TUSC3: variants seen among roughly 807,000 people sequenced by gnomAD.
TUSC3 encodes the protein tumor suppressor candidate 3.
A neutral mutation model predicts 44.8 loss-of-function variants in TUSC3; 45 were observed. That is an observed-to-expected ratio of 1.00 (90% CI 0.79 to 1.29). TUSC3 has a LOEUF of 1.29. Among genes scored for constraint, TUSC3 ranks in the 50% most tolerant of loss-of-function variants. The probability of loss-of-function intolerance (pLI) is 0.00; values close to 1 mark genes in which losing one functional copy is unlikely to be tolerated. For missense variants in TUSC3, 519 were observed against 437.9 expected (o/e 1.19, Z -1.65); for synonymous variants, 212 against 152.9 (o/e 1.39, Z -2.85).
intron 1 of TUSC3, among the ~76,000 whole-genome samples, chr8:15,588,379 G>A (rs1355637454): frequency 2.0e-5 from 3 of 151,950 alleles, no homozygotes; most frequent in Admixed American, 1.3e-4. Context: ...TGTCTATTCA[G>A]ATCTTTTGCT....
chr8:15,751,090 G>A (rs1167198050), intron 9 of TUSC3, among the ~76,000 whole-genome samples: 2 of 152,082 alleles, frequency 1.3e-5, no homozygotes, highest in Non-Finnish European at 2.9e-5. Context: ...ATCATCTCCT[G>A]TGCTATTGTG....
chr8:15,633,435 G>A (rs972540927), intron 2 of TUSC3, among the ~76,000 whole-genome samples: 3 of 152,142 alleles, frequency 2.0e-5, no homozygotes, highest in African/African-American at 7.2e-5. Context: ...TTCCAAAAAG[G>A]TATTCTGCAT....
intron 5 of TUSC3, among the ~76,000 whole-genome samples, chr8:15,670,226 G>A: frequency 6.6e-6 from 1 of 151,818 alleles, no homozygotes; most frequent in East Asian, 1.9e-4. Context: ...AATTGACAAT[G>A]AGATTTTAGC....
intron 1 of TUSC3, among the ~76,000 whole-genome samples, chr8:15,616,542 C>T (rs1447027807): frequency 6.6e-6 from 1 of 152,240 alleles, no homozygotes; most frequent in East Asian, 1.9e-4. Context: ...GCACCACTGC[C>T]CTCCAGCCTG....
At chr8:15,479,541 A>G (rs1195546780) in intron 1 of TUSC3, among the ~76,000 whole-genome samples, 1 of 152,084 alleles carries the variant, frequency 6.6e-6, no homozygotes, top group Admixed American at 6.5e-5. Context: ...TAGTTAAGGA[A>G]TCCTTTTCCC....
At chr8:15,616,122 T>C (rs1467785139) in intron 1 of TUSC3, among the ~76,000 whole-genome samples, 2 of 152,184 alleles carry the variant, frequency 1.3e-5, no homozygotes, top group African/African-American at 4.8e-5. Flanking sequence ...TTTAGTGTGG[T>C]ATAGGAATAG....
intron 1 of TUSC3, among the ~76,000 whole-genome samples, chr8:15,618,475 C>G (rs1406973919): frequency 6.6e-6 from 1 of 152,054 alleles, no homozygotes; most frequent in Admixed American, 6.6e-5. Context: ...TAGCCTAGGC[C>G]TGCACATGGT....
At chr8:15,480,865 T>G (rs76736366) in intron 1 of TUSC3, among the ~76,000 whole-genome samples, 7,449 of 152,294 alleles carry the variant, frequency 0.049, 244 homozygotes, top group South Asian at 0.11. Context: ...ATACGAATTT[T>G]GAGGTGATAC....
the TUSC3 span, among the ~76,000 whole-genome samples, chr8:15,834,200 C>A: frequency 6.7e-6 from 1 of 150,216 alleles, no homozygotes; most frequent in South Asian, 2.1e-4. Context: ...CATAAGTTTT[C>A]ATTTTTTCAA....
intron 1 of TUSC3, among the ~76,000 whole-genome samples, chr8:15,440,348 G>C (rs140094492): frequency 1.3e-5 from 2 of 152,284 alleles, no homozygotes; most frequent in East Asian, 3.9e-4. Context: ...AGGAGAGGTG[G>C]GAGGTGGGCC....
In TUSC3 at chr8:15,625,232, G is replaced by C. The variant is rs117741556; in HGVS notation, c.308+1983G>C. Among the ~76,000 whole-genome samples, 146 of 152,030 alleles carry C rather than the reference G, an allele frequency of 9.6e-4. 2 individuals are homozygous for C. Among genetic ancestry groups the C allele is most frequent in the Admixed American group, 2.0e-3 (30 of 15,274 alleles). ...CATATTATTTTATTATGTGTTGCTG[G>C]ATTCAGTTTGCTAATTTTTTTTTGA... On this transcript the variant is annotated intron_variant, in intron 2 of 10. Coordinates refer to ENST00000503731, the MANE Select transcript of TUSC3 (RefSeq NM_006765.4).
chr8:15,585,521 A>G (rs765705765), intron 1 of TUSC3, among the ~76,000 whole-genome samples: 9 of 152,146 alleles, frequency 5.9e-5, no homozygotes, highest in Non-Finnish European at 8.8e-5. Context: ...GTTGAATGCA[A>G]AGGCTTTTAT....
At chr8:15,590,289 C>T (rs1004914910) in intron 1 of TUSC3, among the ~76,000 whole-genome samples, 1 of 152,116 alleles carries the variant, frequency 6.6e-6, no homozygotes, top group African/African-American at 2.4e-5. Flanking sequence ...CAGAGTATCT[C>T]CAGAGAAGTT....
chr8:15,420,503 G>GA (rs879409025), intron 1 of TUSC3, among the ~76,000 whole-genome samples: 4,286 of 143,932 alleles, frequency 0.03, 185 homozygotes, highest in African/African-American at 0.1. Flanking sequence ...GTCTCATAAA[G>GA]AAAAAAAAAA....
intron 2 of TUSC3, among the ~76,000 whole-genome samples, chr8:15,503,067 C>T (rs550056210): frequency 9.9e-5 from 15 of 152,254 alleles, no homozygotes; most frequent in South Asian, 6.2e-4. Context: ...TCCACTTTCC[C>T]GCCATTTATA....
At chr8:15,589,517 G>T (rs1409870968) in intron 1 of TUSC3, among the ~76,000 whole-genome samples, 1 of 152,084 alleles carries the variant, frequency 6.6e-6, no homozygotes, top group Non-Finnish European at 1.5e-5. Context: ...GTTAATAGTA[G>T]CTAATTACAA....
chr8:15,806,572 C>T, the TUSC3 span: 2 of 1,462,162 alleles, frequency 1.4e-6, no homozygotes, highest in African/African-American at 1.4e-5. Flanking sequence ...CCATAACATC[C>T]CAGATACTAT....
the TUSC3 span, among the ~76,000 whole-genome samples, chr8:15,778,611 A>G: frequency 1.3e-5 from 2 of 152,224 alleles, no homozygotes; most frequent in Non-Finnish European, 2.9e-5. Flanking sequence ...CCAAGTAGGC[A>G]GGGCCATAAT....
intron 1 of TUSC3, among the ~76,000 whole-genome samples, chr8:15,464,781 T>G (rs1800392751): frequency 6.6e-6 from 1 of 152,202 alleles, no homozygotes; most frequent in African/African-American, 2.4e-5. Context: ...CACACCTTTG[T>G]GAGGCACATA....
Sources: allele counts gnomAD v4.1 joint callset (sites outside exome capture counted in the v4.1 genomes callset), GRCh38; gene constraint gnomAD v4.1.1; transcripts MANE v1.5; gene names NCBI Gene and HGNC (gene_info 2026-07-23, HGNC 2026-07-21).